Variants in DDAH1 observed in about 807,000 individuals in gnomAD.
DDAH1 encodes N(G),N(G)-dimethylarginine dimethylaminohydrolase 1.
In DDAH1, 19 loss-of-function variants were observed where a neutral mutation model predicts 28.8. The ratio of observed to expected loss-of-function variants is 0.66; its 90% CI spans 0.46 to 0.97. The LOEUF (loss-of-function observed/expected upper bound fraction) is 0.97, where lower values mean the gene tolerates loss of function less well. Ranked by LOEUF, DDAH1 falls within the 50% of genes least tolerant of loss-of-function variation. The pLI is 0.00. For missense variants in DDAH1, 326 were observed against 375.9 expected (o/e 0.87, Z 1.10); for synonymous variants, 153 against 154.4 (o/e 0.99, Z 0.07).
At chr1:85,404,212 C>T (rs1041706524) in intron 1 of DDAH1, among the ~76,000 whole-genome samples, 4 of 152,162 alleles carry the variant, frequency 2.6e-5, no homozygotes, top group African/African-American at 9.7e-5. Context: ...CATTACAATT[C>T]GCAAGTATTG....
At chr1:85,358,314 C>T (rs1352952335) in intron 2 of DDAH1, among the ~76,000 whole-genome samples, 3 of 151,998 alleles carry the variant, frequency 2.0e-5, no homozygotes, top group African/African-American at 7.3e-5. Context: ...CCTGTATTTT[C>T]CAATTTCCCT....
chr1:85,361,406 ACC>A, intron 1 of DDAH1, among the ~76,000 whole-genome samples: 1 of 152,196 alleles, frequency 6.6e-6, no homozygotes, highest in South Asian at 2.1e-4. Flanking sequence ...CAAATAACAC[ACC>A]CACCTTTCAT....
chr1:85,453,102 T>C (rs1222278999), intron 1 of DDAH1, among the ~76,000 whole-genome samples: 2 of 152,222 alleles, frequency 1.3e-5, no homozygotes, highest in African/African-American at 4.8e-5. Context: ...GAGCGTGTTC[T>C]AAATCATAAT....
intron 4 of DDAH1, among the ~76,000 whole-genome samples, 174 bp from the exon 5 acceptor site, chr1:85,325,057 G>A (rs769255345): frequency 2.0e-5 from 3 of 152,146 alleles, no homozygotes; most frequent in Non-Finnish European, 2.9e-5. Flanking sequence ...ACTTGATTAA[G>A]CTATGAGTCT....
At chr1:85,420,447 A>C (rs906943235) in intron 1 of DDAH1, among the ~76,000 whole-genome samples, 1 of 152,216 alleles carries the variant, frequency 6.6e-6, no homozygotes, top group Non-Finnish European at 1.5e-5. Flanking sequence ...ACCAGGGCAC[A>C]TCTGGAGCAC....
chr1:85,441,878 T>C (rs1654214713), intron 1 of DDAH1, among the ~76,000 whole-genome samples: 1 of 152,202 alleles, frequency 6.6e-6, no homozygotes, highest in East Asian at 1.9e-4. Context: ...AGAATAGTTT[T>C]GATGATATCT....
chr1:85,364,156 G>A (rs549226985), intron 1 of DDAH1, among the ~76,000 whole-genome samples: 17 of 152,114 alleles, frequency 1.1e-4, no homozygotes, highest in African/African-American at 3.9e-4. Flanking sequence ...TCAAGCCTCC[G>A]GAGCCCATCC....
chr1:85,466,818 GTTCA>G (rs1489768714), upstream of DDAH1, among the ~76,000 whole-genome samples: 1 of 106,236 alleles, frequency 9.4e-6, no homozygotes, highest in African/African-American at 3.4e-5. Context: ...TTTTAAATTA[GTTCA>G]TTATTTATTC....
intron 1 of DDAH1, among the ~76,000 whole-genome samples, chr1:85,360,361 C>T (rs1649721033): frequency 6.6e-6 from 1 of 152,038 alleles, no homozygotes; most frequent in African/African-American, 2.4e-5. Flanking sequence ...ATTCAGTGAC[C>T]TCTTTTAACA....
intron 4 of DDAH1, among the ~76,000 whole-genome samples, chr1:85,342,551 AATT>A (rs1648569896): frequency 6.6e-6 from 1 of 152,202 alleles, no homozygotes; most frequent in African/African-American, 2.4e-5. Flanking sequence ...ATGGCATCCA[AATT>A]ATTACCCAGT....
At chr1:85,476,246 T>C (rs1240151804) in intron 2 of DDAH1, among the ~76,000 whole-genome samples, 2 of 152,206 alleles carry the variant, frequency 1.3e-5, no homozygotes. Context: ...CTTCTTCTCA[T>C]GCATTTACTT....
intron 1 of DDAH1, among the ~76,000 whole-genome samples, chr1:85,428,044 C>G (rs185212683): frequency 6.6e-6 from 1 of 152,304 alleles, no homozygotes; most frequent in African/African-American, 2.4e-5. Context: ...GTGGTGTTAA[C>G]CAGCTGAGTC....
chr1:85,429,448 C>G (rs1653567106), intron 1 of DDAH1, among the ~76,000 whole-genome samples: 1 of 152,182 alleles, frequency 6.6e-6, no homozygotes, highest in Non-Finnish European at 1.5e-5. Flanking sequence ...CAAGTCTTTG[C>G]TATTGTGAAT....
At chr1:85,545,040 T>C (rs1012429398) in intron 1 of DDAH1, among the ~76,000 whole-genome samples, 5 of 152,162 alleles carry the variant, frequency 3.3e-5, no homozygotes. Flanking sequence ...TATGAGATAT[T>C]TTCAAGAAAT....
chr1:85,494,386 A>T (rs1218717201), intron 2 of DDAH1: 1 of 152,192 alleles, frequency 6.6e-6, no homozygotes, highest in Admixed American at 6.5e-5. Flanking sequence ...AAGCAAAAAC[A>T]TGTTTTTCCT....
At chr1:85,450,488 A>G (rs1397036141) in intron 1 of DDAH1, among the ~76,000 whole-genome samples, 1 of 152,214 alleles carries the variant, frequency 6.6e-6, no homozygotes, top group African/African-American at 2.4e-5. Context: ...GATATTGGTC[A>G]AATCTAGTCA....
rs1327870147 is a variant in DDAH1, at chr1:85,321,443, C to T, written c.*9G>A. The T allele has an allele frequency of 6.3e-7, 1 of 1,598,420 alleles. No individual in the cohort carries two copies. Among genetic ancestry groups the T allele is most frequent in the South Asian group, 1.1e-5 (1 of 90,714 alleles). ...CGGTCTTGCCGGCTACCGGGGGGGA[C>T]TCTGCAGCTCAGGAGTCTACTTTCT... On this transcript the variant is annotated 3_prime_UTR_variant, in exon 6 of 6. Transcript: ENST00000284031.
At chr1:85,351,405 A>T in intron 3 of DDAH1, 101 bp downstream of exon 3, 2 of 898,738 alleles carry the variant, frequency 2.2e-6, no homozygotes, top group Non-Finnish European at 3.6e-6. Context: ...GTACAAAGCC[A>T]GTGAAGCGTA....
At chr1:85,432,241 T>C (rs1232012218) in intron 1 of DDAH1, among the ~76,000 whole-genome samples, 1 of 152,130 alleles carries the variant, frequency 6.6e-6, no homozygotes, top group Non-Finnish European at 1.5e-5. Flanking sequence ...ACACCGGAAC[T>C]CCTTCAAAGT....
Sources: allele counts gnomAD v4.1 joint callset (sites outside exome capture counted in the v4.1 genomes callset), GRCh38; gene constraint gnomAD v4.1.1; transcripts MANE v1.5; gene names NCBI Gene and HGNC (gene_info 2026-07-23, HGNC 2026-07-21).